Variants in KYNU observed in about 807,000 individuals in gnomAD.
The protein encoded by KYNU is L-kynurenine hydrolase.
A neutral mutation model predicts 59.2 loss-of-function variants in KYNU; 54 were observed. The ratio of observed to expected loss-of-function variants is 0.91; its 90% CI spans 0.73 to 1.14. KYNU has a LOEUF of 1.14. KYNU is among the 50% of genes most tolerant of loss of function. KYNU has a pLI of 0.00. For missense variants in KYNU, 567 were observed against 554.4 expected (o/e 1.02, Z -0.23); for synonymous variants, 177 against 192.0 (o/e 0.92, Z 0.65).
chr2:143,027,348 A>C (rs1314317215), intron 10 of KYNU, among the ~76,000 whole-genome samples: 3 of 152,128 alleles, frequency 2.0e-5, no homozygotes, highest in Non-Finnish European at 2.9e-5. Context: ...TTTTCTTTGA[A>C]TCTTTAATGA....
At chr2:143,030,345 A>G (rs1271506831) in intron 11 of KYNU, among the ~76,000 whole-genome samples, 3 of 152,212 alleles carry the variant, frequency 2.0e-5, no homozygotes, top group Non-Finnish European at 4.4e-5. Context: ...CTTTTCCTGC[A>G]TGACCTCATT....
intron 8 of KYNU, among the ~76,000 whole-genome samples, chr2:142,977,372 G>GATATATATATATATATAT (rs70997538): frequency 8.8e-4 from 116 of 131,196 alleles, no homozygotes; most frequent in South Asian, 7.6e-3. Context: ...ATTTTGTGTG[G>GATATATATATATATATAT]ATATATATAT....
chr2:142,955,375 T>C (rs1684129027), intron 5 of KYNU, among the ~76,000 whole-genome samples: 1 of 152,100 alleles, frequency 6.6e-6, no homozygotes, highest in African/African-American at 2.4e-5. Context: ...AGTTTTACCT[T>C]AAAGTGTCAA....
At position 143,052,660 on chromosome 2, in the gene KYNU, A is replaced by G. The variant is rs1200831244; in HGVS notation, c.*10488A>G. 6.6e-6 allele frequency: 1 copy of G among 152,222 alleles called. No individual in the cohort carries two copies. 9.4% of individuals were successfully genotyped at this position (152,222 alleles called of 1,614,324 possible). Reference sequence around the variant, plus strand: ...TCCATATGGTGTTGAGCCTGGGTTCACAGAAGTCAAGAACTGAGGTTTGGG... The same window carrying G: ...TCCATATGGTGTTGAGCCTGGGTTCGCAGAAGTCAAGAACTGAGGTTTGGG... On this transcript the variant is annotated 3_prime_UTR_variant, in exon 14 of 14. Coordinates refer to ENST00000264170, the MANE Select transcript of KYNU (RefSeq NM_003937.3).
chr2:142,899,267 G>A (rs756456739), intron 2 of KYNU, among the ~76,000 whole-genome samples: 3 of 152,138 alleles, frequency 2.0e-5, no homozygotes, highest in Non-Finnish European at 4.4e-5. Context: ...TTTATATCCC[G>A]ATCATTGTCC....
chr2:143,007,032 C>T (rs1429474434), intron 10 of KYNU, among the ~76,000 whole-genome samples: 1 of 152,102 alleles, frequency 6.6e-6, no homozygotes, highest in African/African-American at 2.4e-5. Flanking sequence ...AGTTCTTCAC[C>T]AGCAACGGAA....
At position 143,045,129 on chromosome 2, in the gene KYNU, G is replaced by C. The variant is rs1409909363; in HGVS notation, c.*2957G>C. 3 of 152,082 alleles carry C rather than the reference G, an allele frequency of 2.0e-5. No individual in the cohort carries two copies. Among genetic ancestry groups the C allele is most frequent in the African/African-American group, 7.2e-5 (3 of 41,434 alleles). 9.4% of individuals were successfully genotyped at this position (152,082 alleles called of 1,614,324 possible). Reference sequence around the variant, plus strand: ...GCTTGTTTTTGTCAGGTTTATCAAAGATCAGATGGTTGTAAATGTGTGGTG... The same window carrying C: ...GCTTGTTTTTGTCAGGTTTATCAAACATCAGATGGTTGTAAATGTGTGGTG... On this transcript the variant is annotated 3_prime_UTR_variant, in exon 14 of 14. Transcript: ENST00000264170.
rs576019472 is a variant in KYNU at position 142,937,471 on chromosome 2, C to T, written c.373+9730C>T. On this transcript the variant is annotated intron_variant, in intron 4 of 13. Transcript: ENST00000264170. The stretch of plus-strand genomic sequence containing the variant: ...GATCACCTTACAACAAACCCCATCA[C>T]GTGCAGAACACACTGTTAAAAAAAA... Among the ~76,000 whole-genome samples the T allele has an allele frequency of 4.5e-4, 68 of 150,440 alleles. 2 individuals are homozygous for T. In the South Asian group the frequency reaches 9.0e-3, roughly 20 times the overall value.
Position 143,039,726 on chromosome 2 carries a change from A to C in KYNU, c.1042-702A>C, listed in dbSNP as rs147388739. Among the ~76,000 whole-genome samples, 82 of 152,252 alleles carry C rather than the reference A, an allele frequency of 5.4e-4. 2 individuals carry two copies. Among genetic ancestry groups the C allele is most frequent in the African/African-American group, 1.9e-3 (80 of 41,574 alleles). ...CATTCATCTGAAGACATAAGTGATT[A>C]ACTTCTTTTAATCTACAACTAAGGT... On this transcript the variant is annotated intron_variant, in intron 12 of 13. Coordinates refer to ENST00000264170, the MANE Select transcript of KYNU (RefSeq NM_003937.3).
At chr2:143,037,391 A>G (rs1686920386) in intron 12 of KYNU, among the ~76,000 whole-genome samples, 1 of 152,232 alleles carries the variant, frequency 6.6e-6, no homozygotes, top group Non-Finnish European at 1.5e-5. Context: ...ATAGGTAGAC[A>G]ATATTTAGTC....
intron 2 of KYNU, among the ~76,000 whole-genome samples, chr2:142,915,670 G>A (rs1265678691): frequency 6.6e-6 from 1 of 152,222 alleles, no homozygotes; most frequent in Non-Finnish European, 1.5e-5. Flanking sequence ...CCTTTTCAAA[G>A]AAAGGAGCAT....
chr2:142,927,785 T>G (rs1292543726), intron 4 of KYNU, 44 bp downstream of exon 4: 1 of 1,281,570 alleles, frequency 7.8e-7, no homozygotes, highest in African/African-American at 1.5e-5. Context: ...ATTGTAAAGA[T>G]GTTATCATTT....
intron 8 of KYNU, chr2:142,971,128 A>G (rs1163691856): frequency 6.6e-6 from 1 of 152,178 alleles, no homozygotes; most frequent in Non-Finnish European, 1.5e-5. Flanking sequence ...AATATCTTCC[A>G]AAAAATTAGA....
At chr2:142,943,331 AC>A (rs1432267998) in intron 4 of KYNU, among the ~76,000 whole-genome samples, 1 of 152,178 alleles carries the variant, frequency 6.6e-6, no homozygotes, top group African/African-American at 2.4e-5. Flanking sequence ...CCTTTAATTT[AC>A]CATAAAAAAT....
chr2:143,012,266 G>A (rs1295483038), intron 10 of KYNU, among the ~76,000 whole-genome samples: 1 of 152,010 alleles, frequency 6.6e-6, no homozygotes, highest in Admixed American at 6.6e-5. Context: ...TGGATCACCT[G>A]AGGTCAGGAG....
chr2:142,877,915 GC>G (rs1483275063), intron 1 of KYNU, among the ~76,000 whole-genome samples, 179 bp downstream of exon 1: 1 of 151,796 alleles, frequency 6.6e-6, no homozygotes, highest in African/African-American at 2.4e-5. Context: ...CTTCCTAAAG[GC>G]CCCACCTTTA....
chr2:142,890,069 T>C (rs1170540101), intron 2 of KYNU, among the ~76,000 whole-genome samples: 1 of 151,830 alleles, frequency 6.6e-6, no homozygotes, highest in Non-Finnish European at 1.5e-5. Flanking sequence ...TAATCAGCTT[T>C]TGTACTTATG....
intron 4 of KYNU, among the ~76,000 whole-genome samples, chr2:142,952,653 C>T (rs1053441826): frequency 2.0e-5 from 3 of 152,070 alleles, no homozygotes; most frequent in African/African-American, 7.2e-5. Context: ...TGCCCAGGCC[C>T]ATCTTGAACA....
intron 4 of KYNU, chr2:142,947,303 CTG>C: frequency 7.4e-7 from 1 of 1,355,250 alleles, no homozygotes; most frequent in Non-Finnish European, 1.0e-6. Context: ...CACTACACAC[CTG>C]TGTCATAGAA....
Sources: gnomAD v4.1 joint callset for allele counts (sites outside exome capture counted in the v4.1 genomes callset) on GRCh38, gnomAD v4.1.1 for gene constraint, MANE v1.5 for transcripts, NCBI Gene and HGNC (gene_info 2026-07-23, HGNC 2026-07-21) for gene names.